The following USP7 variants were observed in gnomAD, a reference collection of about 807,000 sequenced individuals.
USP7 encodes the protein ubiquitin specific peptidase 7, also known as ubiquitin C-terminal hydrolase 7.
A neutral mutation model predicts 162.9 loss-of-function variants in USP7; 9 were observed. The observed-to-expected ratio is 0.06, with a 90% CI of 0.03 to 0.10. USP7 has a LOEUF of 0.10. USP7 is among the 10% of genes least tolerant of loss of function. The probability of loss-of-function intolerance (pLI) is 1.00; values close to 1 mark genes in which losing one functional copy is unlikely to be tolerated. For synonymous variants in USP7, 562 were observed against 475.9 expected (o/e 1.18, Z -2.35); for missense variants, 715 against 1,373.7 (o/e 0.52, Z 7.58).
intron 20 of USP7, 89 bp downstream of exon 20, chr16:8,900,901 C>T (rs1567209205): frequency 1.6e-5 from 22 of 1,352,484 alleles, no homozygotes; most frequent in Non-Finnish European, 2.2e-5. Flanking sequence ...AGACCTAACA[C>T]TGTAACAAAT....
intron 1 of USP7, among the ~76,000 whole-genome samples, chr16:8,944,036 C>A (rs1385111537): frequency 6.6e-6 from 1 of 152,018 alleles, no homozygotes; most frequent in African/African-American, 2.4e-5. Context: ...CATAGGGAGA[C>A]CCCCGTCTCT....
chr16:8,947,408 G>T (rs1171979326), intron 1 of USP7, among the ~76,000 whole-genome samples: 1 of 151,934 alleles, frequency 6.6e-6, no homozygotes, highest in African/African-American at 2.4e-5. Flanking sequence ...AAGTACAGTG[G>T]TGCCATCTCG....
chr16:8,941,650 G>A (rs1212800332), intron 1 of USP7, among the ~76,000 whole-genome samples: 1 of 152,196 alleles, frequency 6.6e-6, no homozygotes, highest in Non-Finnish European at 1.5e-5. Context: ...GCCTTGCTTG[G>A]TACCAGGAAA....
At chr16:8,933,735 C>G (rs540606108) in intron 1 of USP7, among the ~76,000 whole-genome samples, 20 of 152,086 alleles carry the variant, frequency 1.3e-4, no homozygotes, top group Admixed American at 1.1e-3. Context: ...CAGGCATGTG[C>G]CACCCTGCCT....
intron 1 of USP7, among the ~76,000 whole-genome samples, chr16:8,933,584 T>G (rs1677480): frequency 0.65 from 98,878 of 151,992 alleles, 34,551 homozygotes; most frequent in East Asian, 0.87. Flanking sequence ...TTCTTCACTG[T>G]ATATGCACAC....
At chr16:8,923,935 G>A (rs1897848441) in intron 2 of USP7, among the ~76,000 whole-genome samples, 1 of 152,138 alleles carries the variant, frequency 6.6e-6, no homozygotes, top group Non-Finnish European at 1.5e-5. Flanking sequence ...ACAGTAGCCT[G>A]ATAATAAATG....
intron 2 of USP7, among the ~76,000 whole-genome samples, chr16:8,927,083 G>C (rs1898045376): frequency 6.6e-6 from 1 of 152,182 alleles, no homozygotes; most frequent in Non-Finnish European, 1.5e-5. Context: ...GGGAGGCCGG[G>C]GTGGGCGAGG....
intron 1 of USP7, chr16:8,936,534 T>A: frequency 6.7e-7 from 1 of 1,489,764 alleles, no homozygotes. Flanking sequence ...GTATTGGTTA[T>A]CTCCATCCAT....
intron 16 of USP7, 80 bp downstream of exon 16, chr16:8,903,188 A>C: frequency 6.5e-7 from 1 of 1,542,556 alleles, no homozygotes. Context: ...CCCCAAAGGC[A>C]ATCAGTATTT....
At chr16:8,958,701 T>A (rs969026324) in intron 1 of USP7, among the ~76,000 whole-genome samples, 4 of 152,128 alleles carry the variant, frequency 2.6e-5, no homozygotes, top group Non-Finnish European at 5.9e-5. Context: ...TTCCCCACAC[T>A]CATCGCAGGG....
In USP7 at chr16:8,898,341, T is replaced by C. The variant is rs777787871; in HGVS notation, c.2718+19A>G. The stretch of plus-strand genomic sequence containing the variant: ...AAGTTCCAATAAAAATTAAAATTCA[T>C]AGTATTAAAAAAACTTACCTCTTCC... On this transcript the variant is annotated intron_variant, in intron 25 of 30. Coordinates refer to ENST00000344836, the MANE Select transcript of USP7 (RefSeq NM_003470.3). The C allele has an allele frequency of 6.4e-7, 1 of 1,561,762 alleles. No homozygotes were observed. Among genetic ancestry groups the C allele is most frequent in the Non-Finnish European group, 8.7e-7 (1 of 1,146,956 alleles).
At chr16:8,913,766 C>T (rs192962429) in intron 10 of USP7, among the ~76,000 whole-genome samples, 294 of 152,096 alleles carry the variant, frequency 1.9e-3, no homozygotes, top group Middle Eastern at 0.01. Context: ...ATTTTACTTT[C>T]TTGAGAGAGA....
rs761788371 is a variant in USP7, at chr16:8,902,170, A to G, written c.1959T>C (p.Asp653=). 8 of 1,614,224 alleles carry G rather than the reference A, an allele frequency of 5.0e-6. No individual in the cohort carries two copies. In the East Asian group the frequency reaches 8.9e-5, roughly 18 times the overall value. ...GGAATATTGTCCAAGGGTTTTCATTATCACTGAGCTCAATCATCTATTTCC... is the reference window on the plus strand; with the variant it reads ...GGAATATTGTCCAAGGGTTTTCATTGTCACTGAGCTCAATCATCTATTTCC... ...DGNKTMIELS[D]NENPWTIFLE... is the part of the protein sequence containing the mutation. Residue 653 remains aspartate (D), a synonymous_variant, in exon 18 of 31, where the codon GAT becomes GAC. Coordinates refer to ENST00000344836, the MANE Select transcript of USP7 (RefSeq NM_003470.3).
At chr16:8,931,661 T>C (rs1898349115) in intron 1 of USP7, among the ~76,000 whole-genome samples, 1 of 152,272 alleles carries the variant, frequency 6.6e-6, no homozygotes, top group Non-Finnish European at 1.5e-5. Context: ...AAGTTACCAC[T>C]GGTAAATAAG....
At position 8,904,424 on chromosome 16, in the gene USP7, C is replaced by T. The variant is rs754419900; in HGVS notation, c.1704+11G>A. Reference sequence around the variant, plus strand: ...ATGGTGACCCGGAGTCCCAGAAGGGCGGGGGCTGACCTGCACTTGCATATA... The same window carrying T: ...ATGGTGACCCGGAGTCCCAGAAGGGTGGGGGCTGACCTGCACTTGCATATA... On this transcript the variant is annotated intron_variant, in intron 15 of 30. Coordinates refer to ENST00000344836, the MANE Select transcript of USP7 (RefSeq NM_003470.3). The T allele has an allele frequency of 8.7e-6, 14 of 1,611,838 alleles. No homozygotes were observed. The African/African-American group carries it at 1.1e-4, about 12-fold the overall frequency.
chr16:8,960,790 G>A (rs897095013), intron 1 of USP7, among the ~76,000 whole-genome samples: 4 of 152,158 alleles, frequency 2.6e-5, no homozygotes, highest in Admixed American at 6.5e-5. Context: ...CATTCCAATC[G>A]TAAGGCTAGT....
intron 16 of USP7, among the ~76,000 whole-genome samples, chr16:8,902,878 A>G (rs1421589859): frequency 6.6e-6 from 1 of 152,036 alleles, no homozygotes; most frequent in African/African-American, 2.4e-5. Context: ...CTCTGTCTCA[A>G]AAAAAAAGAA....
Position 8,963,260 on chromosome 16 carries a change from T to A in USP7, c.26A>T (p.Gln9Leu). The A allele has an allele frequency of 7.4e-7, 1 of 1,358,412 alleles. No homozygotes were observed. The highest frequency in any genetic ancestry group is 9.6e-7 in the Non-Finnish European group (1 of 1,042,328). 84.1% of individuals were successfully genotyped at this position (1,358,412 alleles called of 1,614,324 possible). ...CAACTGCTGCTCGCCCGCTTTCTGC[T>A]GCTGCTGCTGCTGCTGGTGGTTCAT... MNHQQQQQ[Q>L]QKAGEQQLSE... The change falls in exon 1 of 31, where the codon CAG becomes CTG. Residue 9 changes from glutamine (Q) to leucine (L), a missense_variant. By Grantham distance (113) the Gln-to-Leu change is moderately radical. Transcript: ENST00000344836.
At chr16:8,904,716 G>A (rs2061831695) in intron 14 of USP7, 151 bp from the exon 15 acceptor site, 4 of 1,136,378 alleles carry the variant, frequency 3.5e-6, no homozygotes, top group African/African-American at 1.6e-5. Flanking sequence ...GCTGAGGCGG[G>A]CCGATCACGA....
Sources: gnomAD v4.1 joint callset for allele counts (sites outside exome capture counted in the v4.1 genomes callset) on GRCh38, gnomAD v4.1.1 for gene constraint, MANE v1.5 for transcripts, NCBI Gene and HGNC (gene_info 2026-07-23, HGNC 2026-07-21) for gene names.